NOS1: variants seen among roughly 807,000 people sequenced by gnomAD.
NOS1 encodes NOS type I.
In NOS1, 51 loss-of-function variants were observed where a neutral mutation model predicts 164.5. The observed-to-expected ratio is 0.31, with a 90% CI of 0.25 to 0.39. The LOEUF (loss-of-function observed/expected upper bound fraction) is 0.39, where lower values mean the gene tolerates loss of function less well. Ranked by LOEUF, NOS1 falls within the 10% of genes least tolerant of loss-of-function variation. The probability of loss-of-function intolerance (pLI) is 1.00; values close to 1 mark genes in which losing one functional copy is unlikely to be tolerated. For synonymous variants in NOS1, 719 were observed against 745.8 expected (o/e 0.96, Z 0.59); for missense variants, 1,362 against 1,885.6 (o/e 0.72, Z 5.14).
rs564218603 is a variant in NOS1 at position 117,255,951 on chromosome 12, C to T, written c.2532-2197G>A. On this transcript the variant is annotated intron_variant, in intron 16 of 28. Coordinates refer to ENST00000317775, the MANE Select transcript of NOS1 (RefSeq NM_000620.5). ...CACACTCTACCTGTGCTGGCTGTCACGGGCTGCAGCCAGACCGTGGACTTC... is the reference window on the plus strand; with the variant it reads ...CACACTCTACCTGTGCTGGCTGTCATGGGCTGCAGCCAGACCGTGGACTTC... The T allele has an allele frequency of 5.4e-5, 80 of 1,493,546 alleles. 1 individual carries two copies. The highest frequency in any genetic ancestry group is 4.8e-4 in the South Asian group (34 of 71,184). 92.5% of individuals were successfully genotyped at this position (1,493,546 alleles called of 1,614,324 possible).
At chr12:117,273,742 T>C (rs951709641) in intron 9 of NOS1, among the ~76,000 whole-genome samples, 1 of 152,200 alleles carries the variant, frequency 6.6e-6, no homozygotes, top group African/African-American at 2.4e-5. Context: ...CCTACACTTG[T>C]ATGACACCTC....
At chr12:117,351,103 G>A (rs1876596238) in intron 1 of NOS1, among the ~76,000 whole-genome samples, 1 of 152,030 alleles carries the variant, frequency 6.6e-6, no homozygotes, top group African/African-American at 2.4e-5. Flanking sequence ...GACAGAGCAA[G>A]ACTCCGTCTC....
At chr12:117,341,515 G>A (rs975620210) in intron 1 of NOS1, among the ~76,000 whole-genome samples, 2 of 152,124 alleles carry the variant, frequency 1.3e-5, no homozygotes, top group Admixed American at 6.5e-5. Flanking sequence ...GAGCTAGTTC[G>A]GCCAACGGGA....
chr12:117,276,198 C>T (rs1592978509), intron 9 of NOS1, among the ~76,000 whole-genome samples: 1 of 152,194 alleles, frequency 6.6e-6, no homozygotes, highest in African/African-American at 2.4e-5. Flanking sequence ...TCCAATTCCA[C>T]TGTTTATTTT....
intron 20 of NOS1, among the ~76,000 whole-genome samples, chr12:117,242,295 T>C (rs1870242028): frequency 1.3e-5 from 2 of 152,324 alleles, no homozygotes; most frequent in African/African-American, 2.4e-5. Flanking sequence ...TAGGAAATAC[T>C]TGGACTAAGT....
intron 1 of NOS1, among the ~76,000 whole-genome samples, chr12:117,333,834 C>T (rs1875670474): frequency 6.6e-6 from 1 of 152,184 alleles, no homozygotes; most frequent in African/African-American, 2.4e-5. Context: ...GCCCTTCTCT[C>T]TCCTTGCTTC....
intron 8 of NOS1, 145 bp from the exon 9 acceptor site, chr12:117,278,243 A>G: frequency 1.1e-6 from 1 of 891,886 alleles, no homozygotes; most frequent in South Asian, 2.2e-5. Flanking sequence ...GGACCACATC[A>G]CCTGCTTTAT....
At chr12:117,315,878 T>C (rs530842139) in intron 2 of NOS1, among the ~76,000 whole-genome samples, 4 of 152,252 alleles carry the variant, frequency 2.6e-5, no homozygotes, top group Non-Finnish European at 5.9e-5. Context: ...TCAGTCTTAC[T>C]GCTTATGGAA....
At chr12:117,343,161 C>T in intron 1 of NOS1, among the ~76,000 whole-genome samples, 1 of 149,398 alleles carries the variant, frequency 6.7e-6, no homozygotes, top group African/African-American at 2.5e-5. Flanking sequence ...GGACCCCCAT[C>T]TCTACCAAAA....
At chr12:117,241,290 G>T (rs879648925) in intron 20 of NOS1, among the ~76,000 whole-genome samples, 4 of 151,902 alleles carry the variant, frequency 2.6e-5, no homozygotes, top group Non-Finnish European at 5.9e-5. Flanking sequence ...CCATTGAATG[G>T]AATGTTTTTC....
intron 9 of NOS1, among the ~76,000 whole-genome samples, chr12:117,276,660 CCTT>C (rs1204233724): frequency 6.6e-6 from 1 of 151,976 alleles, no homozygotes; most frequent in African/African-American, 2.4e-5. Flanking sequence ...TGGTAACCAT[CCTT>C]CTACTCTTTA....
At position 117,209,272 on chromosome 12, in the gene NOS1, C is replaced by T. The variant is rs1179344459; in HGVS notation, c.*6037G>A. On this transcript the variant is annotated 3_prime_UTR_variant, in exon 29 of 29. Coordinates refer to ENST00000317775, the MANE Select transcript of NOS1 (RefSeq NM_000620.5). ...GTCTGATGACATACTTGATTGTTACCGTTGGCAGGACACTGCTACAGGTAT... is the reference window on the plus strand; with the variant it reads ...GTCTGATGACATACTTGATTGTTACTGTTGGCAGGACACTGCTACAGGTAT... The T allele has an allele frequency of 5.1e-6, 5 of 971,604 alleles. No individual in the cohort carries two copies. Among genetic ancestry groups the T allele is most frequent in the Non-Finnish European group, 4.9e-6 (4 of 817,356 alleles). 60.2% of individuals were successfully genotyped at this position (971,604 alleles called of 1,614,324 possible).
At chr12:117,268,368 C>G (rs1872570450) in intron 10 of NOS1, among the ~76,000 whole-genome samples, 1 of 151,876 alleles carries the variant, frequency 6.6e-6, no homozygotes, top group African/African-American at 2.4e-5. Flanking sequence ...GTAGCTGGGA[C>G]TACAGGCTTC....
At chr12:117,303,587 C>G (rs1873964574) in intron 3 of NOS1, among the ~76,000 whole-genome samples, 3 of 152,112 alleles carry the variant, frequency 2.0e-5, no homozygotes, top group African/African-American at 7.2e-5. Flanking sequence ...AATGAAAACA[C>G]CACTTCCCAG....
chr12:117,247,527 C>G lies in NOS1; in HGVS notation c.2649-5G>C. ...CCGAGGCCAAAAACTGAGAACCTGT[C>G]AAGGAGATGACAGAATGTTCATGCT... is the stretch of plus-strand genomic sequence containing the variant. On this transcript the variant is annotated splice_region_variant and splice_polypyrimidine_tract_variant and intron_variant, in intron 17 of 28. Coordinates refer to ENST00000317775, the MANE Select transcript of NOS1 (RefSeq NM_000620.5). 6.2e-7 allele frequency: 1 copy of G among 1,606,168 alleles called. No homozygotes were observed. The highest frequency in any genetic ancestry group is 1.3e-5 in the African/African-American group (1 of 74,682).
chr12:117,242,751 T>A (rs1422149320), intron 19 of NOS1, 46 bp from the exon 20 acceptor site: 26 of 1,580,356 alleles, frequency 1.6e-5, no homozygotes, highest in Non-Finnish European at 1.9e-5. Context: ...GGTTGAATGT[T>A]CCATTAAAAA....
chr12:117,223,044 C>T (rs1403460061), intron 25 of NOS1, among the ~76,000 whole-genome samples, 181 bp from the exon 26 acceptor site: 1 of 152,144 alleles, frequency 6.6e-6, no homozygotes, highest in East Asian at 1.9e-4. Flanking sequence ...CATGCACGCA[C>T]ATGCACACAC....
At chr12:117,220,012 A>G in intron 27 of NOS1, 63 bp downstream of exon 27, 1 of 1,485,412 alleles carries the variant, frequency 6.7e-7, no homozygotes, top group Non-Finnish European at 9.1e-7. Context: ...AGGTTGGATG[A>G]AAAAGGGGGG....
intron 2 of NOS1, among the ~76,000 whole-genome samples, chr12:117,317,919 T>C (rs1874740434): frequency 6.6e-6 from 1 of 152,138 alleles, no homozygotes; most frequent in Non-Finnish European, 1.5e-5. Context: ...TGCCTGTGAT[T>C]CCAGCACTTT....
Sources: gnomAD v4.1 joint callset for allele counts (sites outside exome capture counted in the v4.1 genomes callset) on GRCh38, gnomAD v4.1.1 for gene constraint, MANE v1.5 for transcripts, NCBI Gene and HGNC (gene_info 2026-07-23, HGNC 2026-07-21) for gene names.